The following GRAMD1C variants were observed in gnomAD, a reference collection of about 807,000 sequenced individuals.
The protein encoded by GRAMD1C is protein Aster-C.
Under a neutral mutation model 97.8 loss-of-function variants are expected in GRAMD1C, and 89 were observed. That is an observed-to-expected ratio of 0.91 (90% CI 0.77 to 1.09). The LOEUF (loss-of-function observed/expected upper bound fraction) is 1.09, where lower values mean the gene tolerates loss of function less well. Ranked by LOEUF, GRAMD1C falls within the 50% of genes least tolerant of loss-of-function variation. The probability of loss-of-function intolerance (pLI) is 0.00; values close to 1 mark genes in which losing one functional copy is unlikely to be tolerated. For missense variants in GRAMD1C, 740 were observed against 766.4 expected (o/e 0.97, Z 0.41); for synonymous variants, 256 against 267.0 (o/e 0.96, Z 0.40).
intron 2 of GRAMD1C, among the ~76,000 whole-genome samples, chr3:113,855,622 T>C (rs1934093802): frequency 6.6e-6 from 1 of 151,774 alleles, no homozygotes; most frequent in African/African-American, 2.4e-5. Context: ...GGAGAATTGC[T>C]TGAACCCAGG....
At chr3:113,904,756 T>A (rs2107320561) in intron 8 of GRAMD1C, among the ~76,000 whole-genome samples, 1 of 152,344 alleles carries the variant, frequency 6.6e-6, no homozygotes, top group Non-Finnish European at 1.5e-5. Flanking sequence ...TCCAGTTAAC[T>A]ACTAGGCATT....
intron 2 of GRAMD1C, among the ~76,000 whole-genome samples, chr3:113,857,260 C>G (rs1934172049): frequency 6.6e-6 from 1 of 152,142 alleles, no homozygotes; most frequent in African/African-American, 2.4e-5. Context: ...AGTGGACATT[C>G]TTGCCTTTTT....
chr3:113,854,538 G>A (rs1313057572), intron 2 of GRAMD1C, among the ~76,000 whole-genome samples: 1 of 152,178 alleles, frequency 6.6e-6, no homozygotes, highest in African/African-American at 2.4e-5. Flanking sequence ...TTGGGCATTG[G>A]ATTTGCAAGA....
At chr3:113,877,920 G>C (rs935217883) in intron 5 of GRAMD1C, among the ~76,000 whole-genome samples, 7 of 152,060 alleles carry the variant, frequency 4.6e-5, no homozygotes, top group Non-Finnish European at 8.8e-5. Flanking sequence ...TGGGATTACA[G>C]GCATACACCA....
intron 2 of GRAMD1C, among the ~76,000 whole-genome samples, chr3:113,853,651 C>T (rs2107338858): frequency 6.6e-6 from 1 of 152,266 alleles, no homozygotes; most frequent in South Asian, 2.1e-4. Flanking sequence ...TCTAAGTGAA[C>T]AGGACAGCCT....
At chr3:113,869,719 A>G in intron 3 of GRAMD1C, 128 bp downstream of exon 3, 1 of 555,682 alleles carries the variant, frequency 1.8e-6, no homozygotes. Flanking sequence ...GTTAAGCATC[A>G]TCCTTATGAT....
intron 6 of GRAMD1C, among the ~76,000 whole-genome samples, chr3:113,900,623 T>A (rs1299837775): frequency 6.6e-6 from 1 of 150,686 alleles, no homozygotes; most frequent in Non-Finnish European, 1.5e-5. Flanking sequence ...AGACCAGGTT[T>A]CACCATGTTG....
chr3:113,919,931 G>A (rs1936971793), intron 10 of GRAMD1C: 7 of 657,858 alleles, frequency 1.1e-5, no homozygotes, highest in Non-Finnish European at 1.7e-5. Flanking sequence ...ATAATGGATG[G>A]TGCACCAGTA....
Position 113,875,473 on chromosome 3 carries a change from T to C in GRAMD1C, c.260-11T>C. ...TCGTGAATAAGCTGTATCTTATTTT[T>C]GTGTATATAGATTATGCTTGTGCTC... On this transcript the variant is annotated splice_polypyrimidine_tract_variant and intron_variant, in intron 3 of 17. Coordinates refer to ENST00000358160, the MANE Select transcript of GRAMD1C (RefSeq NM_017577.5). 8.8e-7 allele frequency: 1 copy of C among 1,133,854 alleles called. No individual in the cohort carries two copies. The allele number at this position is 1,133,854 out of a possible 1,614,324, so 70.2% of individuals were successfully genotyped here. A position where few individuals can be genotyped will look rare whatever the true frequency, so the allele number is the denominator to read the frequency against.
Position 113,934,549 on chromosome 3 carries a change from T to C in GRAMD1C, c.1456+14T>C. 1.8e-6 allele frequency: 2 copies of C among 1,122,308 alleles called. No individual in the cohort carries two copies. The highest frequency in any genetic ancestry group is 2.6e-6 in the Non-Finnish European group (2 of 763,304). The allele number at this position is 1,122,308 out of a possible 1,614,324, so 69.5% of individuals were successfully genotyped here. On this transcript the variant is annotated intron_variant, in intron 13 of 17. Transcript: ENST00000358160. Reference sequence around the variant, plus strand: ...TCAAACAGCTTGGTTTGTAAATTTTTTTATTTATCTATTTTTGTAAAGATG... The same window carrying C: ...TCAAACAGCTTGGTTTGTAAATTTTCTTATTTATCTATTTTTGTAAAGATG...
intron 17 of GRAMD1C, among the ~76,000 whole-genome samples, chr3:113,941,909 G>A (rs1368779517): frequency 1.3e-5 from 2 of 150,430 alleles, no homozygotes; most frequent in South Asian, 2.1e-4. Context: ...ATGAGCCACC[G>A]TGCCCGGCCA....
intron 9 of GRAMD1C, among the ~76,000 whole-genome samples, chr3:113,915,081 A>G (rs1173978189): frequency 6.6e-6 from 1 of 152,202 alleles, no homozygotes; most frequent in East Asian, 1.9e-4. Context: ...TCCCAGAAAA[A>G]ATGTAATAAT....
At chr3:113,933,787 C>A in intron 12 of GRAMD1C, 134 bp downstream of exon 12, 1 of 638,756 alleles carries the variant, frequency 1.6e-6, no homozygotes, top group Non-Finnish European at 2.6e-6. Flanking sequence ...CAGGGGTGAG[C>A]AGAGGAGTGG....
intron 1 of GRAMD1C, among the ~76,000 whole-genome samples, chr3:113,842,311 C>T (rs185845084): frequency 2.0e-5 from 3 of 152,244 alleles, no homozygotes; most frequent in Non-Finnish European, 2.9e-5. Flanking sequence ...TGCCAATTGC[C>T]GCATTTTAGC....
chr3:113,920,175 C>CA, intron 10 of GRAMD1C: 1 of 1,386,612 alleles, frequency 7.2e-7, no homozygotes, highest in Non-Finnish European at 1.0e-6. Flanking sequence ...GAATCACAGG[C>CA]ATCTGCTCAA....
chr3:113,855,486 T>C (rs1422338860), intron 2 of GRAMD1C, among the ~76,000 whole-genome samples: 1 of 151,980 alleles, frequency 6.6e-6, no homozygotes, highest in African/African-American at 2.4e-5. Flanking sequence ...GGTGGATCCC[T>C]TGAGGCCAGG....
chr3:113,908,163 G>A (rs182339879), intron 8 of GRAMD1C, among the ~76,000 whole-genome samples: 54 of 152,140 alleles, frequency 3.5e-4, no homozygotes, highest in Middle Eastern at 6.8e-3. Context: ...TTCCATCTGT[G>A]TACATACAGA....
At chr3:113,861,550 G>A (rs946548653) in intron 2 of GRAMD1C, among the ~76,000 whole-genome samples, 1 of 152,036 alleles carries the variant, frequency 6.6e-6, no homozygotes, top group African/African-American at 2.4e-5. Flanking sequence ...TGTGCTTCAA[G>A]GAGTTCATTA....
rs529889178 is a variant in GRAMD1C at position 113,911,221 on chromosome 3, C to T, written c.952+2101C>T. Among the ~76,000 whole-genome samples, 602 of 129,216 alleles carry T rather than the reference C, an allele frequency of 4.7e-3. 4 individuals are homozygous for T. Among genetic ancestry groups the T allele is most frequent in the Middle Eastern group, 0.024 (6 of 248 alleles). 84.8% of individuals were successfully genotyped at this position (129,216 alleles called of 152,430 possible). A position where few individuals can be genotyped will look rare whatever the true frequency, so the allele number is the denominator to read the frequency against. On this transcript the variant is annotated intron_variant, in intron 9 of 17. Transcript: ENST00000358160. ...GAGAGAGAGAGAGAGCATACATGAG[C>T]AAACTCTCTGGTATTTTTTTTTTTT...
Sources: allele counts gnomAD v4.1 joint callset (sites outside exome capture counted in the v4.1 genomes callset), GRCh38; gene constraint gnomAD v4.1.1; transcripts MANE v1.5; gene names NCBI Gene and HGNC (gene_info 2026-07-23, HGNC 2026-07-21).